ZDHHC24: variants seen among roughly 807,000 people sequenced by gnomAD.
The protein encoded by ZDHHC24 is zDHHC palmitoyltransferase 24, also known as probable palmitoyltransferase ZDHHC24.
In ZDHHC24, 17 loss-of-function variants were observed where a neutral mutation model predicts 23.2. The observed-to-expected ratio is 0.73, with a 90% CI of 0.50 to 1.10. The LOEUF (loss-of-function observed/expected upper bound fraction) is 1.10. Among genes scored for constraint, ZDHHC24 ranks in the 50% least tolerant of loss-of-function variants. The pLI, the probability that ZDHHC24 is intolerant of heterozygous loss-of-function variation, is 0.00. For synonymous variants in ZDHHC24, 186 were observed against 194.5 expected, an observed-to-expected ratio of 0.96 and a Z score of 0.36; for missense variants, 366 against 393.0, an observed-to-expected ratio of 0.93 and a Z score of 0.58.
chr11:66,539,555 C>CT lies in ZDHHC24; in HGVS notation c.828dup (p.Ala277SerfsTer69). ...CAGGAGGCTGTGTGTCCCACATCTG[C>CT]TGTGGTCTGGAAGGTGATCCCATCC... On this transcript the variant is annotated frameshift_variant, in exon 3 of 3. Transcript: ENST00000310442. LOFTEE classifies it high-confidence loss of function. The CT allele has an allele frequency of 6.3e-7, 1 of 1,597,296 alleles. No individual in the cohort carries two copies. Among genetic ancestry groups the CT allele is most frequent in the East Asian group, 2.2e-5 (1 of 44,676 alleles).
intron 2 of ZDHHC24, 56 bp downstream of exon 2, chr11:66,543,647 TC>T: frequency 6.7e-7 from 1 of 1,485,918 alleles, no homozygotes; most frequent in Non-Finnish European, 9.0e-7. Flanking sequence ...TGGGCTGTAC[TC>T]CCCAGCCCAA....
intron 4 of ZDHHC24, chr11:66,524,231 GAT>G: frequency 2.8e-6 from 1 of 362,428 alleles, no homozygotes; most frequent in African/African-American, 2.1e-5. Context: ...AGTGAGCCAA[GAT>G]CAAACCATGG....
intron 2 of ZDHHC24, 118 bp downstream of exon 2, chr11:66,543,586 C>T: frequency 7.4e-7 from 1 of 1,342,738 alleles, no homozygotes; most frequent in Non-Finnish European, 9.9e-7. Context: ...CTGGCCATCA[C>T]TGACACTGGG....
chr11:66,545,652 T>G lies in ZDHHC24; in HGVS notation c.281+71A>C. On this transcript the variant is annotated intron_variant, in intron 1 of 2. Transcript: ENST00000310442. This position sits in a 1 kb window ranked among gnomAD's most constrained non-coding sequence, Gnocchi z 4.5. ...CCTAATGTAACCCGGTTCTAACATC[T>G]CAGGTCTTGGGGCCCCTCCCCCCTG... is the stretch of plus-strand genomic sequence containing the variant. The G allele has an allele frequency of 7.1e-7, 1 of 1,403,360 alleles. No homozygotes were observed. The highest frequency in any genetic ancestry group is 9.3e-7 in the Non-Finnish European group (1 of 1,079,792). The allele number at this position is 1,403,360 out of a possible 1,614,324, so 86.9% of individuals were successfully genotyped here. A position where few individuals can be genotyped will look rare whatever the true frequency, so the allele number is the denominator to read the frequency against.
chr11:66,528,696 C>T (rs888199776), intron 3 of ZDHHC24, among the ~76,000 whole-genome samples: 2 of 152,104 alleles, frequency 1.3e-5, no homozygotes, highest in African/African-American at 2.4e-5. Flanking sequence ...CGGCCAGGTG[C>T]GGTGGCTCAC....
chr11:66,523,007 G>C (rs982959072), intron 4 of ZDHHC24: 4 of 385,422 alleles, frequency 1.0e-5, no homozygotes, highest in African/African-American at 6.3e-5. Flanking sequence ...GGAACTAACT[G>C]TACTTTCTGG....
In ZDHHC24 at chr11:66,537,341, G is replaced by A. The variant is rs981538887; in HGVS notation, c.*2188C>T. ...TGGGGTGTGGGTGGGATGTGGGGGA[G>A]CGGCACCCCACTGATCCTTACATAG... On this transcript the variant is annotated 3_prime_UTR_variant, in exon 3 of 3. Coordinates refer to ENST00000310442, the MANE Select transcript of ZDHHC24 (RefSeq NM_207340.3). The A allele has an allele frequency of 1.3e-5, 2 of 151,970 alleles. No homozygotes were observed. The highest frequency in any genetic ancestry group is 2.9e-5 in the Non-Finnish European group (2 of 67,984). 9.4% of individuals were successfully genotyped at this position (151,970 alleles called of 1,614,324 possible).
chr11:66,528,198 A>G (rs1214263954), intron 3 of ZDHHC24, among the ~76,000 whole-genome samples: 2 of 152,056 alleles, frequency 1.3e-5, no homozygotes, highest in East Asian at 3.9e-4. Flanking sequence ...CCTGGGTGAC[A>G]AGAGCCAGAC....
At chr11:66,541,368 A>T (rs537208508) in intron 2 of ZDHHC24, among the ~76,000 whole-genome samples, 14 of 150,788 alleles carry the variant, frequency 9.3e-5, no homozygotes, top group African/African-American at 3.4e-4. Flanking sequence ...GCGCTATTGC[A>T]CTCCAGCCTG....
intron 4 of ZDHHC24, chr11:66,523,053 A>G: frequency 2.4e-6 from 1 of 424,308 alleles, no homozygotes; most frequent in Non-Finnish European, 4.7e-6. Flanking sequence ...AGTAAACTAA[A>G]AACTGCATTG....
chr11:66,531,895 A>G (rs1055569963), downstream of ZDHHC24: 3 of 1,574,414 alleles, frequency 1.9e-6, no homozygotes, highest in African/African-American at 2.7e-5. Flanking sequence ...GCCAGCGCAG[A>G]CCAGGCAAGG....
In ZDHHC24 at chr11:66,545,985, C is replaced by A. The variant is rs753747077; in HGVS notation, c.19G>T (p.Ala7Ser). The A allele has an allele frequency of 5.7e-6, 8 of 1,412,576 alleles. No homozygotes were observed. The highest frequency in any genetic ancestry group is 5.5e-6 in the Non-Finnish European group (6 of 1,097,172). 87.5% of individuals were successfully genotyped at this position (1,412,576 alleles called of 1,614,324 possible). MGQPWA[A>S]GSTDGAPAQL... ...GCGGGCGCCCCGTCCGTGCTCCCAG[C>A]CGCCCAGGGCTGCCCCATGGCCTGG... The change falls in exon 1 of 3, where the codon GCT becomes TCT. Residue 7 changes from alanine to serine, a missense_variant. Ala to Ser is a moderately conservative substitution (Grantham distance 99). Transcript: ENST00000310442. This position sits in a 1 kb window ranked among gnomAD's most constrained non-coding sequence, Gnocchi z 4.5.
chr11:66,525,265 A>G (rs1450031333), intron 4 of ZDHHC24, among the ~76,000 whole-genome samples: 3 of 151,976 alleles, frequency 2.0e-5, no homozygotes, highest in Non-Finnish European at 2.9e-5. Context: ...AGGCTGAGGC[A>G]GAAGAATCAC....
rs1857279658 is a variant in ZDHHC24 at position 66,545,282 on chromosome 11, G to A, written c.281+441C>T. On this transcript the variant is annotated intron_variant, in intron 1 of 2. Coordinates refer to ENST00000310442, the MANE Select transcript of ZDHHC24 (RefSeq NM_207340.3). This position sits in a 1 kb window ranked among gnomAD's most constrained non-coding sequence, Gnocchi z 4.5. The stretch of plus-strand genomic sequence containing the variant: ...GTAAACTTCTGACCTTAAGTGATCC[G>A]CCGGCCTCGGCCTCCCAAAGTGCTG... Among the ~76,000 whole-genome samples the A allele has an allele frequency of 1.3e-5, 2 of 152,098 alleles. No individual in the cohort carries two copies. Among genetic ancestry groups the A allele is most frequent in the South Asian group, 2.1e-4 (1 of 4,824 alleles).
chr11:66,529,438 A>G, exon 3 of ZDHHC24: 1 of 854,856 alleles, frequency 1.2e-6, no homozygotes, highest in Non-Finnish European at 1.9e-6. Context: ...GAGCGTGGAC[A>G]CCAAGGACTC....
At position 66,537,874 on chromosome 11, in the gene ZDHHC24, G is replaced by T. The variant is rs1316688979; in HGVS notation, c.*1655C>A. On this transcript the variant is annotated 3_prime_UTR_variant, in exon 3 of 3. Coordinates refer to ENST00000310442, the MANE Select transcript of ZDHHC24 (RefSeq NM_207340.3). ...ACCCAGAAGGCGGAGCTTGCAGTGAGCCGAGATCGTGCCACTGCACTCCAG... is the reference window on the plus strand; with the variant it reads ...ACCCAGAAGGCGGAGCTTGCAGTGATCCGAGATCGTGCCACTGCACTCCAG... 1.3e-5 allele frequency: 2 copies of T among 151,494 alleles called. No individual in the cohort carries two copies. The allele number at this position is 151,494 out of a possible 1,614,324, so 9.4% of individuals were successfully genotyped here.
chr11:66,531,127 C>T (rs1590782361), downstream of ZDHHC24: 23 of 1,511,374 alleles, frequency 1.5e-5, no homozygotes, highest in African/African-American at 4.1e-5. Context: ...TCAGAGCGTG[C>T]GGGTGGCTGC....
At chr11:66,532,518 G>A (rs1856829322), downstream of ZDHHC24, 1 of 164,346 alleles carries the variant, frequency 6.1e-6, no homozygotes, top group Non-Finnish European at 1.3e-5. Context: ...TCCGGAGGCT[G>A]GGCTGCAGCC....
chr11:66,530,264 G>A (rs1856715813), intron 2 of ZDHHC24, among the ~76,000 whole-genome samples: 1 of 152,162 alleles, frequency 6.6e-6, no homozygotes, highest in African/African-American at 2.4e-5. Flanking sequence ...GATCCTTACA[G>A]CTATGGTACA....
Sources: gnomAD v4.1 joint callset for allele counts (sites outside exome capture counted in the v4.1 genomes callset) on GRCh38, gnomAD v4.1.1 for gene constraint, Gnocchi (gnomAD v3.1) non-coding constraint, MANE v1.5 for transcripts, NCBI Gene and HGNC (gene_info 2026-07-23, HGNC 2026-07-21) for gene names.